The following PHLPP2 variants were observed in gnomAD, a reference collection of about 807,000 sequenced individuals.
PHLPP2 encodes the protein PH domain and leucine rich repeat protein phosphatase 2.
A neutral mutation model predicts 124.9 loss-of-function variants in PHLPP2; 66 were observed. The ratio of observed to expected loss-of-function variants is 0.53; its 90% CI spans 0.43 to 0.65. The LOEUF (loss-of-function observed/expected upper bound fraction) is 0.65. Among genes scored for constraint, PHLPP2 ranks in the 30% least tolerant of loss-of-function variants. PHLPP2 has a pLI of 0.00. For missense variants in PHLPP2, 1,685 were observed against 1,600.4 expected, an observed-to-expected ratio of 1.05 and a Z score of -0.90; for synonymous variants, 681 against 624.7, an observed-to-expected ratio of 1.09 and a Z score of -1.34.
At chr16:71,707,363 G>C (rs1212132469) in intron 2 of PHLPP2, among the ~76,000 whole-genome samples, 2 of 151,318 alleles carry the variant, frequency 1.3e-5, no homozygotes, top group East Asian at 3.9e-4. Flanking sequence ...CTGAATAATA[G>C]GAGTGTCTTT....
In PHLPP2 at chr16:71,649,613, C is replaced by A; in HGVS notation, c.3249G>T (p.Glu1083Asp). The change falls in exon 19 of 19, where the codon GAG becomes GAT. Residue 1083 changes from glutamate to aspartate, a missense_variant. Physicochemically the swap from Glu to Asp is conservative, Grantham distance 45. Coordinates refer to ENST00000568954, the MANE Select transcript of PHLPP2 (RefSeq NM_015020.3). ...SSGIASEFSS[E>D]MSTSEVSSEV... ...CACTGCTCACCTCTGAGGTGGACAT[C>A]TCACTGCTGAACTCAGAGGCAATCC... is the stretch of plus-strand genomic sequence containing the variant. 1.2e-6 allele frequency: 2 copies of A among 1,614,182 alleles called. No homozygotes were observed. Among genetic ancestry groups the A allele is most frequent in the Non-Finnish European group, 1.7e-6 (2 of 1,180,032 alleles).
intron 4 of PHLPP2, among the ~76,000 whole-genome samples, chr16:71,688,321 T>A (rs1000048241): frequency 6.6e-6 from 1 of 152,210 alleles, no homozygotes. Context: ...GACACAAAAT[T>A]ACTCTTCATC....
At position 71,676,491 on chromosome 16, in the gene PHLPP2, G is replaced by A. The variant is rs372001493; in HGVS notation, c.1427C>T (p.Thr476Ile). 1.2e-5 allele frequency: 19 copies of A among 1,614,062 alleles called. No homozygotes were observed. In the African/African-American group the frequency reaches 2.3e-4, roughly 19 times the overall value. ...GGTCCGAAGGGAAAAGCCACTGAGT[G>A]TTAGCTCCCTCAGCTGATTCCGCCC... ...HCGRNQLREL[T>I]LSGFSLRTLY... The change falls in exon 9 of 19, where the codon ACA becomes ATA. Residue 476 changes from threonine (T) to isoleucine (I), a missense_variant. Physicochemically the swap from Thr to Ile is moderately conservative, Grantham distance 89. Transcript: ENST00000568954.
chr16:71,691,760 C>T lies in PHLPP2; in HGVS notation c.419-1051G>A, dbSNP rs1209615852. 2.6e-5 allele frequency among the ~76,000 whole-genome samples: 4 copies of T among 152,070 alleles called. No homozygotes were observed. In the East Asian group the frequency reaches 5.8e-4, roughly 22 times the overall value. ...ATCAGAGGCCTTCATGACTGAGATA[C>T]AGTGAACAAAACAGCACATAATAAC... On this transcript the variant is annotated intron_variant, in intron 3 of 18. Transcript: ENST00000568954.
At chr16:71,655,601 C>T (rs1238922385) in intron 16 of PHLPP2, among the ~76,000 whole-genome samples, 167 bp from the exon 17 acceptor site, 1 of 150,682 alleles carries the variant, frequency 6.6e-6, no homozygotes, top group East Asian at 2.0e-4. Flanking sequence ...CTCCCAGGTT[C>T]ACGCCATTCT....
intron 2 of PHLPP2, among the ~76,000 whole-genome samples, chr16:71,706,809 T>G (rs1187535475): frequency 6.6e-6 from 1 of 152,074 alleles, no homozygotes; most frequent in Non-Finnish European, 1.5e-5. Context: ...TTATATATAG[T>G]TAAAATAAAT....
intron 5 of PHLPP2, 106 bp from the exon 6 acceptor site, chr16:71,682,011 G>GT: frequency 1.5e-6 from 1 of 659,644 alleles, no homozygotes; most frequent in Non-Finnish European, 2.1e-6. Flanking sequence ...TAAAAAGATA[G>GT]GAAAAAAAAG....
chr16:71,694,581 A>T (rs2045149810), intron 3 of PHLPP2, among the ~76,000 whole-genome samples: 1 of 152,230 alleles, frequency 6.6e-6, no homozygotes, highest in African/African-American at 2.4e-5. Flanking sequence ...ATTGAGTCAC[A>T]AATATAGTAC....
intron 10 of PHLPP2, among the ~76,000 whole-genome samples, chr16:71,670,775 T>C (rs1246260370): frequency 1.4e-5 from 2 of 148,108 alleles, no homozygotes; most frequent in African/African-American, 2.5e-5. Flanking sequence ...CGACGAACAG[T>C]GCAAGGTCCA....
intron 13 of PHLPP2, among the ~76,000 whole-genome samples, chr16:71,663,028 C>T (rs1261114536): frequency 6.6e-6 from 1 of 152,194 alleles, no homozygotes; most frequent in Non-Finnish European, 1.5e-5. Flanking sequence ...GGGAGCCTAG[C>T]CCCATCCCCA....
intron 5 of PHLPP2, 64 bp downstream of exon 5, chr16:71,684,412 C>A: frequency 6.4e-7 from 1 of 1,558,482 alleles, no homozygotes; most frequent in Non-Finnish European, 8.8e-7. Flanking sequence ...AGACGTGAGC[C>A]ACCACGCCCG....
At chr16:71,683,374 G>A (rs1454466267) in intron 5 of PHLPP2, among the ~76,000 whole-genome samples, 1 of 152,312 alleles carries the variant, frequency 6.6e-6, no homozygotes, top group Admixed American at 6.5e-5. Context: ...ATAATGGTTT[G>A]TGGCAGCATT....
chr16:71,717,656 T>C (rs1026327751), intron 1 of PHLPP2, among the ~76,000 whole-genome samples: 2 of 152,190 alleles, frequency 1.3e-5, no homozygotes, highest in Non-Finnish European at 2.9e-5. Flanking sequence ...ACTGTTAAAT[T>C]TTAAATACTC....
At chr16:71,689,221 TA>T (rs1042756306) in intron 4 of PHLPP2, among the ~76,000 whole-genome samples, 11 of 151,922 alleles carry the variant, frequency 7.2e-5, no homozygotes, top group Non-Finnish European at 1.2e-4. Flanking sequence ...TTTTTATTAT[TA>T]TTTTTTTTAA....
At chr16:71,670,448 G>C (rs1264844914) in intron 10 of PHLPP2, among the ~76,000 whole-genome samples, 1 of 152,190 alleles carries the variant, frequency 6.6e-6, no homozygotes. Flanking sequence ...GGAGAAAAGA[G>C]AGCAAAATTA....
At chr16:71,663,833 T>C in intron 13 of PHLPP2, 66 bp downstream of exon 13, 2 of 1,276,010 alleles carry the variant, frequency 1.6e-6, no homozygotes, top group East Asian at 2.3e-5. Context: ...GATGGCTATA[T>C]TTTTTCTGAC....
intron 2 of PHLPP2, among the ~76,000 whole-genome samples, chr16:71,708,340 G>A (rs942546686): frequency 6.6e-6 from 1 of 152,082 alleles, no homozygotes; most frequent in African/African-American, 2.4e-5. Flanking sequence ...TCCTTCTCCT[G>A]GACAATGAGT....
chr16:71,653,140 G>C, intron 17 of PHLPP2, 119 bp from the exon 18 acceptor site: 1 of 640,970 alleles, frequency 1.6e-6, no homozygotes, highest in Non-Finnish European at 2.6e-6. Flanking sequence ...TCGTGAACCA[G>C]CCTTACCCTT....
At chr16:71,669,853 C>A (rs186020937) in intron 10 of PHLPP2, among the ~76,000 whole-genome samples, 4 of 152,216 alleles carry the variant, frequency 2.6e-5, no homozygotes, top group East Asian at 1.9e-4. Flanking sequence ...AATGTGAGCT[C>A]AAATAATTAG....
Sources: allele counts gnomAD v4.1 joint callset (sites outside exome capture counted in the v4.1 genomes callset), GRCh38; gene constraint gnomAD v4.1.1; transcripts MANE v1.5; gene names NCBI Gene and HGNC (gene_info 2026-07-23, HGNC 2026-07-21).